Variants in THBS1 observed in about 807,000 individuals in gnomAD.
THBS1 encodes thrombospondin 1.
THBS1 carries 29 observed loss-of-function variants against 126.1 expected under a neutral mutation model. That is an observed-to-expected ratio of 0.23 (90% CI 0.17 to 0.31). THBS1 has a LOEUF of 0.31. Among genes scored for constraint, THBS1 ranks in the 10% least tolerant of loss-of-function variants. The pLI is 1.00. For missense variants in THBS1, 1,198 were observed against 1,545.2 expected (o/e 0.78, Z 3.77); for synonymous variants, 496 against 577.8 (o/e 0.86, Z 2.03).
chr15:39,593,952 A>G lies in THBS1; in HGVS notation c.3268-147A>G. On this transcript the variant is annotated intron_variant, in intron 19 of 21. Transcript: ENST00000260356. The surrounding 1 kb of genome is among the most constrained non-coding windows in gnomAD (Gnocchi z 5.9). Reference sequence around the variant, plus strand: ...ATGTGTGCTCAGTGGCACACAACAAATATGAGAGGACTTGGAAAAATTCCC... The same window carrying G: ...ATGTGTGCTCAGTGGCACACAACAAGTATGAGAGGACTTGGAAAAATTCCC... 1.1e-6 allele frequency: 1 copy of G among 939,806 alleles called. No individual in the cohort carries two copies. Among genetic ancestry groups the G allele is most frequent in the Admixed American group, 2.9e-5 (1 of 34,932 alleles). The allele number at this position is 939,806 out of a possible 1,614,324, so 58.2% of individuals were successfully genotyped here.
Position 39,584,192 on chromosome 15 carries a change from G to A in THBS1, c.903+5G>A, listed in dbSNP as rs745318311. 6.2e-7 allele frequency: 1 copy of A among 1,614,028 alleles called. No individual in the cohort carries two copies. Among genetic ancestry groups the A allele is most frequent in the Non-Finnish European group, 8.5e-7 (1 of 1,179,928 alleles). ...CAGGACAGCATCCGCAAAGTGGTCA[G>A]TGGCCTCTGCACCCAGCCCGTTAGC... On this transcript the variant is annotated splice_donor_5th_base_variant and intron_variant, in intron 5 of 21. Transcript: ENST00000260356.
chr15:39,581,671 G>C, intron 1 of THBS1, 158 bp from the exon 2 acceptor site: 1 of 424,048 alleles, frequency 2.4e-6, no homozygotes, highest in Non-Finnish European at 4.0e-6. Flanking sequence ...TCTCTCTCAT[G>C]CTCTCTGGAA....
chr15:39,583,090 A>T (rs1890143511), intron 3 of THBS1, among the ~76,000 whole-genome samples: 1 of 152,244 alleles, frequency 6.6e-6, no homozygotes, highest in South Asian at 2.1e-4. Flanking sequence ...TCTTAAGAAA[A>T]GAGCTTATTT....
At chr15:39,588,469 C>CA in intron 9 of THBS1, 57 bp from the exon 10 acceptor site, 1 of 1,514,006 alleles carries the variant, frequency 6.6e-7, no homozygotes, top group South Asian at 1.3e-5. Flanking sequence ...GAGTCTATGA[C>CA]AAGGGAGGGA....
rs1388570157 is a variant in THBS1 at position 39,598,319 on chromosome 15, G to A, written c.*2950G>A. 6.6e-6 allele frequency: 1 copy of A among 152,160 alleles called. No homozygotes were observed. Among genetic ancestry groups the A allele is most frequent in the Non-Finnish European group, 1.5e-5 (1 of 68,024 alleles). The allele number at this position is 152,160 out of a possible 1,614,324, so 9.4% of individuals were successfully genotyped here. A position where few individuals can be genotyped will look rare whatever the true frequency, so the allele number is the denominator to read the frequency against. On this transcript the variant is annotated 3_prime_UTR_variant, in exon 22 of 22. Transcript: ENST00000260356. ...TCATTCTATAAATACTCATCTTTCT[G>A]AGTAGCCATGATCACATACAAATGT... is the stretch of plus-strand genomic sequence containing the variant.
At position 39,589,752 on chromosome 15, in the gene THBS1, A is replaced by G. The variant is rs1890289193; in HGVS notation, c.1927-53A>G. 9.9e-6 allele frequency: 15 copies of G among 1,508,878 alleles called. No homozygotes were observed. Among genetic ancestry groups the G allele is most frequent in the Non-Finnish European group, 1.3e-5 (15 of 1,124,572 alleles). The allele number at this position is 1,508,878 out of a possible 1,614,324, so 93.5% of individuals were successfully genotyped here. On this transcript the variant is annotated intron_variant, in intron 12 of 21. Transcript: ENST00000260356. This position sits in a 1 kb window ranked among gnomAD's most constrained non-coding sequence, Gnocchi z 4.7. The stretch of plus-strand genomic sequence containing the variant: ...AGGGATCTGGATTCTTGTTTCCATG[A>G]TATCTGAGGATTCTCAAAAGCTCTG...
In THBS1 at chr15:39,592,810, A is replaced by C. The variant is rs749041289; in HGVS notation, c.2767+8A>C. ...ACCAGAAGGACTCTGACGGTGAGTCATGGGAGCCACTTTCTAAGACAGGGA... is the reference window on the plus strand; with the variant it reads ...ACCAGAAGGACTCTGACGGTGAGTCCTGGGAGCCACTTTCTAAGACAGGGA... On this transcript the variant is annotated splice_region_variant and intron_variant, in intron 17 of 21. Transcript: ENST00000260356. This position sits in a 1 kb window ranked among gnomAD's most constrained non-coding sequence, Gnocchi z 4.3. The C allele has an allele frequency of 6.2e-7, 1 of 1,609,076 alleles. No individual in the cohort carries two copies. The highest frequency in any genetic ancestry group is 8.5e-7 in the Non-Finnish European group (1 of 1,177,026).
Position 39,594,364 on chromosome 15 carries a change from T to C in THBS1, c.3429T>C (p.Tyr1143=), listed in dbSNP as rs1170833648. The C allele has an allele frequency of 6.2e-7, 1 of 1,614,242 alleles. No individual in the cohort carries two copies. The highest frequency in any genetic ancestry group is 2.2e-5 in the East Asian group (1 of 44,894). Reference sequence around the variant, plus strand: ...CAGGACCCATCTATGATAAAACCTATGCTGGTGGTAGACTAGGGTTGTTTG... The same window carrying C: ...CAGGACCCATCTATGATAAAACCTACGCTGGTGGTAGACTAGGGTTGTTTG... ...ADSGPIYDKT[Y]AGGRLGLFVF... Residue 1143 remains tyrosine, a synonymous_variant, in exon 21 of 22, where the codon TAT becomes TAC. Transcript: ENST00000260356. The surrounding 1 kb of genome is among the most constrained non-coding windows in gnomAD (Gnocchi z 4.4).
At position 39,595,468 on chromosome 15, in the gene THBS1, T is replaced by G. The variant is rs896280626; in HGVS notation, c.*99T>G. 1.8e-5 allele frequency: 26 copies of G among 1,429,216 alleles called. No homozygotes were observed. The highest frequency in any genetic ancestry group is 1.4e-4 in the East Asian group (6 of 42,230). The allele number at this position is 1,429,216 out of a possible 1,614,324, so 88.5% of individuals were successfully genotyped here. ...GAAAACCCCCAGGATCACTTCTCCT[T>G]GGCTTCCTTCTTTTCTGTGCTTGCA... On this transcript the variant is annotated 3_prime_UTR_variant, in exon 22 of 22. Transcript: ENST00000260356.
chr15:39,597,557 C>T lies in THBS1; in HGVS notation c.*2188C>T, dbSNP rs1245743950. 1 of 151,746 alleles carries T rather than the reference C, an allele frequency of 6.6e-6. No individual in the cohort carries two copies. Among genetic ancestry groups the T allele is most frequent in the Non-Finnish European group, 1.5e-5 (1 of 67,968 alleles). 9.4% of individuals were successfully genotyped at this position (151,746 alleles called of 1,614,324 possible). A position where few individuals can be genotyped will look rare whatever the true frequency, so the allele number is the denominator to read the frequency against. On this transcript the variant is annotated 3_prime_UTR_variant, in exon 22 of 22. Transcript: ENST00000260356. ...CATTCATAAATCAATATAGCATATA[C>T]AAAAATAAATTACAGTAAGTCATAG...
intron 2 of THBS1, 68 bp downstream of exon 2, chr15:39,581,992 C>A: frequency 6.5e-7 from 1 of 1,542,436 alleles, no homozygotes; most frequent in Non-Finnish European, 9.0e-7. Flanking sequence ...CCAGGTGTGC[C>A]CCCTCACGTG....
chr15:39,582,597 C>A lies in THBS1; in HGVS notation c.472C>A (p.Leu158Met). ...LATGQWKSIT[L>M]FVQEDRAQLY... is the part of the protein sequence containing the mutation. ...AACCGGCCAGTGGAAGAGCATCACC[C>A]TGTTTGTGCAGGAAGACAGGGCCCA... is the stretch of plus-strand genomic sequence containing the variant. The change falls in exon 3 of 22, where the codon CTG becomes ATG. Residue 158 changes from leucine to methionine, a missense_variant. Physicochemically the swap from Leu to Met is conservative, Grantham distance 15. Transcript: ENST00000260356. The A allele has an allele frequency of 6.2e-7, 1 of 1,614,136 alleles. No individual in the cohort carries two copies. Among genetic ancestry groups the A allele is most frequent in the Non-Finnish European group, 8.5e-7 (1 of 1,180,036 alleles).
rs1890490950 is a variant in THBS1, at chr15:39,597,361, T to C, written c.*1992T>C. 6.6e-6 allele frequency: 1 copy of C among 151,550 alleles called. No individual in the cohort carries two copies. The highest frequency in any genetic ancestry group is 1.5e-5 in the Non-Finnish European group (1 of 67,880). 9.4% of individuals were successfully genotyped at this position (151,550 alleles called of 1,614,324 possible). A position where few individuals can be genotyped will look rare whatever the true frequency, so the allele number is the denominator to read the frequency against. ...CCTTTTTCTAGGAATGTGCTTTTTT[T>C]TGTACACATTTTTATCCATTTTACA... is the stretch of plus-strand genomic sequence containing the variant. On this transcript the variant is annotated 3_prime_UTR_variant, in exon 22 of 22. Coordinates refer to ENST00000260356, the MANE Select transcript of THBS1 (RefSeq NM_003246.4).
chr15:39,587,578 C>A, intron 8 of THBS1, 58 bp downstream of exon 8: 1 of 1,512,860 alleles, frequency 6.6e-7, no homozygotes, highest in Non-Finnish European at 9.0e-7. Context: ...TTGTCGTCAC[C>A]AAGGGCAGCT....
rs1890426292 is a variant in THBS1, at chr15:39,595,748, A to T, written c.*379A>T. 2.1e-6 allele frequency: 1 copy of T among 484,184 alleles called. No individual in the cohort carries two copies. Among genetic ancestry groups the T allele is most frequent in the Admixed American group, 2.3e-5 (1 of 43,398 alleles). The allele number at this position is 484,184 out of a possible 1,614,324, so 30.0% of individuals were successfully genotyped here. ...AAAAGCATTTTCAGGCATGTCAGAG[A>T]AGGGAGGACTCACTAGAATTAGCAA... On this transcript the variant is annotated 3_prime_UTR_variant, in exon 22 of 22. Coordinates refer to ENST00000260356, the MANE Select transcript of THBS1 (RefSeq NM_003246.4).
At chr15:39,590,407 A>G in intron 13 of THBS1, 109 bp from the exon 14 acceptor site, 2 of 854,502 alleles carry the variant, frequency 2.3e-6, no homozygotes, top group Non-Finnish European at 3.6e-6. Context: ...GCTGTTACTG[A>G]GCCAAATTCT....
chr15:39,583,952 G>A (rs371984857), intron 4 of THBS1, 36 bp from the exon 5 acceptor site: 36 of 1,610,136 alleles, frequency 2.2e-5, no homozygotes, highest in Non-Finnish European at 3.0e-5. Flanking sequence ...GTTGGTAAGA[G>A]TATCTATTTG....
rs1890402464 is a variant in THBS1, at chr15:39,594,867, G to A, written c.3505+427G>A. 6.6e-6 allele frequency among the ~76,000 whole-genome samples: 1 copy of A among 152,176 alleles called. No individual in the cohort carries two copies. Among genetic ancestry groups the A allele is most frequent in the Non-Finnish European group, 1.5e-5 (1 of 68,022 alleles). On this transcript the variant is annotated intron_variant, in intron 21 of 21. Coordinates refer to ENST00000260356, the MANE Select transcript of THBS1 (RefSeq NM_003246.4). This position sits in a 1 kb window ranked among gnomAD's most constrained non-coding sequence, Gnocchi z 4.4. Reference sequence around the variant, plus strand: ...AGGAATGTTGCTTTCATATTGGCATGTTAAATTAATGTTCACTATTAAACT... The same window carrying A: ...AGGAATGTTGCTTTCATATTGGCATATTAAATTAATGTTCACTATTAAACT...
In THBS1 at chr15:39,599,033, C is replaced by G. The variant is rs1478165830; in HGVS notation, c.*3664C>G. 2 of 152,178 alleles carry G rather than the reference C, an allele frequency of 1.3e-5. No individual in the cohort carries two copies. The highest frequency in any genetic ancestry group is 4.8e-5 in the African/African-American group (2 of 41,418). 9.4% of individuals were successfully genotyped at this position (152,178 alleles called of 1,614,324 possible). On this transcript the variant is annotated 3_prime_UTR_variant, in exon 22 of 22. Transcript: ENST00000260356. ...GCCTCCCCGGTTCAAGCAATTCTCC[C>G]TCCTGCCTCAGCCTCCCAAGTAGCT...
Sources: gnomAD v4.1 joint callset for allele counts (sites outside exome capture counted in the v4.1 genomes callset) on GRCh38, gnomAD v4.1.1 for gene constraint, Gnocchi (gnomAD v3.1) non-coding constraint, MANE v1.5 for transcripts, NCBI Gene and HGNC (gene_info 2026-07-23, HGNC 2026-07-21) for gene names.